The following PLD5 variants were observed in gnomAD, a reference collection of about 807,000 sequenced individuals.
The protein encoded by PLD5 is phospholipase D family member 5.
A neutral mutation model predicts 61.1 loss-of-function variants in PLD5; 36 were observed. That is an observed-to-expected ratio of 0.59 (90% CI 0.45 to 0.78). PLD5 has a LOEUF of 0.78. Ranked by LOEUF, PLD5 falls within the 30% of genes least tolerant of loss-of-function variation. PLD5 has a pLI of 0.00. For synonymous variants in PLD5, 243 were observed against 242.8 expected (o/e 1.00, Z -0.01); for missense variants, 515 against 644.4 (o/e 0.80, Z 2.17).
At chr1:242,349,681 A>C (rs1242251374) in intron 1 of PLD5, among the ~76,000 whole-genome samples, 1 of 152,176 alleles carries the variant, frequency 6.6e-6, no homozygotes, top group Non-Finnish European at 1.5e-5. Context: ...CTCATGGCTA[A>C]AAGTGGCAGA....
chr1:242,164,124 T>C (rs989399182), intron 5 of PLD5, among the ~76,000 whole-genome samples: 1 of 149,944 alleles, frequency 6.7e-6, no homozygotes, highest in African/African-American at 2.5e-5. Flanking sequence ...GTAAAGGAAG[T>C]CAAACTCCTA....
At chr1:242,276,962 G>T (rs1277229932) in intron 3 of PLD5, among the ~76,000 whole-genome samples, 1 of 152,066 alleles carries the variant, frequency 6.6e-6, no homozygotes. Context: ...GAAGAGAGAT[G>T]AATATGCTCA....
At chr1:242,400,019 T>G (rs532779890) in intron 1 of PLD5, among the ~76,000 whole-genome samples, 15 of 151,898 alleles carry the variant, frequency 9.9e-5, no homozygotes, top group Non-Finnish European at 2.1e-4. Flanking sequence ...AAATACAAAA[T>G]CAGCCGGGCT....
intron 6 of PLD5, among the ~76,000 whole-genome samples, chr1:242,121,069 TA>T (rs1662322418): frequency 1.3e-5 from 2 of 152,286 alleles, no homozygotes; most frequent in Admixed American, 6.5e-5. Flanking sequence ...CTTATAAAAA[TA>T]TACTATTTTA....
intron 1 of PLD5, among the ~76,000 whole-genome samples, chr1:242,429,553 A>G (rs188723160): frequency 3.9e-5 from 6 of 152,304 alleles, no homozygotes; most frequent in Admixed American, 2.0e-4. Flanking sequence ...GGGCTTGGAA[A>G]TGCTCTTTAT....
chr1:242,448,095 T>C (rs1666622682), intron 1 of PLD5, among the ~76,000 whole-genome samples: 1 of 152,216 alleles, frequency 6.6e-6, no homozygotes, highest in South Asian at 2.1e-4. Flanking sequence ...TTATTTTGAC[T>C]TCTCAACAGT....
intron 1 of PLD5, among the ~76,000 whole-genome samples, chr1:242,359,538 G>A (rs987121068): frequency 6.6e-6 from 1 of 152,184 alleles, no homozygotes; most frequent in Non-Finnish European, 1.5e-5. Context: ...CTGTTGGAGG[G>A]AGTGAAGACT....
In PLD5 at chr1:242,382,688, C is replaced by T. The variant is rs140877625; in HGVS notation, c.190-34446G>A. The stretch of plus-strand genomic sequence containing the variant: ...TGAATGGAAAATGTCTTTCTGGCAA[C>T]GGTAGGGAGAACTAATTATCAGGAG... On this transcript the variant is annotated intron_variant, in intron 1 of 9. Transcript: ENST00000536534. Among the ~76,000 whole-genome samples the T allele has an allele frequency of 3.0e-3, 459 of 152,088 alleles. 1 individual carries two copies. The highest frequency in any genetic ancestry group is 4.6e-3 in the Non-Finnish European group (314 of 68,006).
intron 5 of PLD5, among the ~76,000 whole-genome samples, chr1:242,161,375 G>A (rs751290241): frequency 9.2e-5 from 14 of 151,990 alleles, no homozygotes; most frequent in African/African-American, 3.4e-4. Flanking sequence ...GCCCTCCCAC[G>A]AATTATGGGA....
At chr1:242,243,640 C>A (rs552549817) in intron 4 of PLD5, among the ~76,000 whole-genome samples, 1 of 152,256 alleles carries the variant, frequency 6.6e-6, no homozygotes, top group Non-Finnish European at 1.5e-5. Flanking sequence ...TTGGAAGGGA[C>A]AATAGAAGAG....
intron 4 of PLD5, among the ~76,000 whole-genome samples, chr1:242,234,670 T>C (rs1043615574): frequency 6.6e-6 from 1 of 151,998 alleles, no homozygotes. Flanking sequence ...GTTTTCTTGC[T>C]TCTTGGTGGT....
chr1:242,488,275 T>C (rs1420088384), intron 1 of PLD5, among the ~76,000 whole-genome samples: 3 of 152,238 alleles, frequency 2.0e-5, no homozygotes, highest in Non-Finnish European at 4.4e-5. Flanking sequence ...ATACTGATGT[T>C]AACAGCAGCT....
At position 242,368,841 on chromosome 1, in the gene PLD5, C is replaced by G. The variant is rs962544385; in HGVS notation, c.190-20599G>C. Among the ~76,000 whole-genome samples, 3 of 152,262 alleles carry G rather than the reference C, an allele frequency of 2.0e-5. No homozygotes were observed. In the South Asian group the frequency reaches 6.2e-4, roughly 32 times the overall value. On this transcript the variant is annotated intron_variant, in intron 1 of 9. Coordinates refer to ENST00000536534, the MANE Select transcript of PLD5 (RefSeq NM_001372062.1). ...TTGCAGCTCCATCTTTCAGGATGCC[C>G]TTTGTTAGAAGAGAATTAATTTCTT...
At chr1:242,530,015 C>A in the PLD5 span, among the ~76,000 whole-genome samples, 4,139 of 152,118 alleles carry the variant, frequency 0.027, 191 homozygotes, top group African/African-American at 0.095. Flanking sequence ...ATTACAGGTG[C>A]CCAGAGTAAC....
chr1:242,283,272 G>A (rs1674822780), intron 3 of PLD5, among the ~76,000 whole-genome samples: 1 of 151,596 alleles, frequency 6.6e-6, no homozygotes, highest in Non-Finnish European at 1.5e-5. Flanking sequence ...CCTGTTAGTA[G>A]CAACCATCAC....
intron 2 of PLD5, among the ~76,000 whole-genome samples, chr1:242,313,533 G>C (rs1676829021): frequency 6.6e-6 from 1 of 152,042 alleles, no homozygotes; most frequent in South Asian, 2.1e-4. Flanking sequence ...CTTTAATATA[G>C]GCCTGTCCAG....
intron 2 of PLD5, among the ~76,000 whole-genome samples, chr1:242,340,743 C>T (rs1659783183): frequency 6.6e-6 from 1 of 152,136 alleles, no homozygotes; most frequent in Non-Finnish European, 1.5e-5. Flanking sequence ...GATTGCAAAG[C>T]TCCTAAGTAT....
chr1:242,115,173 G>A (rs908607546), intron 6 of PLD5, among the ~76,000 whole-genome samples: 3 of 151,908 alleles, frequency 2.0e-5, no homozygotes, highest in Non-Finnish European at 4.4e-5. Flanking sequence ...GCAAGATGCT[G>A]TCTGAAAAGA....
chr1:242,513,700 T>C (rs1269502258), intron 1 of PLD5, among the ~76,000 whole-genome samples: 1 of 152,214 alleles, frequency 6.6e-6, no homozygotes, highest in African/African-American at 2.4e-5. Flanking sequence ...AGATGGATAA[T>C]ATGAATCAAG....
Sources: allele counts gnomAD v4.1 joint callset (sites outside exome capture counted in the v4.1 genomes callset), GRCh38; gene constraint gnomAD v4.1.1; transcripts MANE v1.5; gene names NCBI Gene and HGNC (gene_info 2026-07-23, HGNC 2026-07-21).